Variants in RLF observed in about 807,000 individuals in gnomAD.
RLF encodes the protein zinc finger protein Rlf.
A neutral mutation model predicts 162.9 loss-of-function variants in RLF; 7 were observed. That is an observed-to-expected ratio of 0.04 (90% CI 0.02 to 0.08). The LOEUF (loss-of-function observed/expected upper bound fraction) is 0.08, where lower values mean the gene tolerates loss of function less well. Ranked by LOEUF, RLF falls within the 10% of genes least tolerant of loss-of-function variation. The pLI is 1.00. For synonymous variants in RLF, 782 were observed against 791.5 expected (o/e 0.99, Z 0.20); for missense variants, 1,664 against 2,244.7 (o/e 0.74, Z 5.23).
Position 40,237,662 on chromosome 1 carries a change from A to G in RLF, c.2960A>G (p.Lys987Arg), listed in dbSNP as rs201605592. 12 of 1,614,196 alleles carry G rather than the reference A, an allele frequency of 7.4e-6. No individual in the cohort carries two copies. The Middle Eastern group carries it at 4.9e-4, about 67-fold the overall frequency. Reference sequence around the variant, plus strand: ...CATCCATACCATTTCAAGCCCAAAAAGATAAAGACGAAAGATCTGTTTCCC... The same window carrying G: ...CATCCATACCATTTCAAGCCCAAAAGGATAAAGACGAAAGATCTGTTTCCC... Reference protein sequence around the residue: ...KVHPYHFKPKKIKTKDLFPSL... With the variant: ...KVHPYHFKPKRIKTKDLFPSL... Residue 987 changes from lysine to arginine, a missense_variant, in exon 8 of 8, where the codon AAG becomes AGG. By Grantham distance (26) the Lys-to-Arg change is conservative (BLOSUM62 2). Around this residue, in one of 15 missense-constraint regions of RLF, gnomAD observed 295 missense variants for 317.4 expected, o/e 0.93. Coordinates refer to ENST00000372771, the MANE Select transcript of RLF (RefSeq NM_012421.4). The surrounding 1 kb of genome is among the most constrained non-coding windows in gnomAD (Gnocchi z 4.4).
At chr1:40,225,665 A>T (rs1349031278) in intron 6 of RLF, among the ~76,000 whole-genome samples, 3 of 151,534 alleles carry the variant, frequency 2.0e-5, no homozygotes, top group African/African-American at 7.3e-5. Context: ...TCACAAGGTC[A>T]GGAGATCAAG....
chr1:40,235,706 T>G (rs2235985), intron 7 of RLF, 86 bp from the exon 8 acceptor site: 190,141 of 993,558 alleles, frequency 0.19, 19,163 homozygotes, highest in Non-Finnish European at 0.21. Context: ...CTAAAAGTTT[T>G]TACAAGCTAA....
intron 5 of RLF, among the ~76,000 whole-genome samples, chr1:40,206,578 T>C (rs1265128439): frequency 6.6e-6 from 1 of 152,208 alleles, no homozygotes. Context: ...CTAAAACTTG[T>C]CGTGCCATGC....
At chr1:40,193,865 A>C (rs760506607) in intron 3 of RLF, among the ~76,000 whole-genome samples, 26 of 152,162 alleles carry the variant, frequency 1.7e-4, no homozygotes, top group Non-Finnish European at 3.5e-4. Flanking sequence ...TGAATACTAA[A>C]CTATATTCTT....
chr1:40,186,144 T>G (rs1642477311), intron 1 of RLF, among the ~76,000 whole-genome samples: 1 of 149,116 alleles, frequency 6.7e-6, no homozygotes, highest in African/African-American at 2.5e-5. Context: ...GGTGACAGAG[T>G]GAGACTTGAT....
intron 1 of RLF, among the ~76,000 whole-genome samples, chr1:40,187,247 G>A (rs868215498): frequency 2.6e-5 from 4 of 152,038 alleles, no homozygotes; most frequent in South Asian, 2.1e-4. Flanking sequence ...GGCCAGGATG[G>A]TCTCGATCTC....
intron 1 of RLF, among the ~76,000 whole-genome samples, chr1:40,188,428 C>A (rs1248461877): frequency 2.0e-5 from 3 of 152,088 alleles, no homozygotes; most frequent in Non-Finnish European, 4.4e-5. Context: ...ACTATTCCCC[C>A]CATTGTAACC....
rs558276885 is a variant in RLF at position 40,172,154 on chromosome 1, T to A, written c.237+10518T>A. Among the ~76,000 whole-genome samples the A allele has an allele frequency of 1.7e-3, 252 of 151,894 alleles. 1 individual carries two copies. The highest frequency in any genetic ancestry group is 3.4e-3 in the Middle Eastern group (1 of 294). ...TTCAACACTCTTAACTAAAAAAAAA[T>A]TTTTTTTAAACTATAAAAGCACTTC... On this transcript the variant is annotated intron_variant, in intron 1 of 7. Coordinates refer to ENST00000372771, the MANE Select transcript of RLF (RefSeq NM_012421.4).
At chr1:40,213,814 A>G (rs1171510769) in intron 5 of RLF, among the ~76,000 whole-genome samples, 9 of 152,236 alleles carry the variant, frequency 5.9e-5, no homozygotes, top group African/African-American at 1.9e-4. Context: ...GAAAACCACT[A>G]TTCTAGAGAA....
intron 5 of RLF, among the ~76,000 whole-genome samples, chr1:40,205,342 T>C (rs1359995033): frequency 6.6e-6 from 1 of 152,050 alleles, no homozygotes; most frequent in Non-Finnish European, 1.5e-5. Flanking sequence ...AGACTCTGTC[T>C]TCAAAAAAAT....
intron 5 of RLF, among the ~76,000 whole-genome samples, chr1:40,217,428 A>G (rs1168011584): frequency 6.6e-6 from 1 of 151,942 alleles, no homozygotes; most frequent in Non-Finnish European, 1.5e-5. Flanking sequence ...CTGCCATCGT[A>G]CCACTACACT....
At chr1:40,226,858 G>A (rs1324159478) in intron 6 of RLF, among the ~76,000 whole-genome samples, 1 of 151,948 alleles carries the variant, frequency 6.6e-6, no homozygotes, top group Non-Finnish European at 1.5e-5. Context: ...ATATATGTGT[G>A]TATGTATTTA....
At chr1:40,193,491 A>C (rs941197654) in intron 3 of RLF, among the ~76,000 whole-genome samples, 1 of 152,182 alleles carries the variant, frequency 6.6e-6, no homozygotes, top group African/African-American at 2.4e-5. Context: ...GTGTAATGGT[A>C]CAGGTCAGTT....
At chr1:40,194,966 T>TGGAACTATAGGTG (rs1642611799) in intron 3 of RLF, among the ~76,000 whole-genome samples, 1 of 150,910 alleles carries the variant, frequency 6.6e-6, no homozygotes. Flanking sequence ...CCCGAGTAGC[T>TGGAACTATAGGTG]GGAACTATAG....
intron 1 of RLF, among the ~76,000 whole-genome samples, chr1:40,187,569 G>T (rs1642498972): frequency 6.6e-6 from 1 of 152,118 alleles, no homozygotes; most frequent in Non-Finnish European, 1.5e-5. Context: ...TAATTGAGTA[G>T]GTCGGTATAC....
chr1:40,189,217 TGAGAACTTAAATC>T lies in RLF; in HGVS notation c.392+9_392+21del, dbSNP rs1438367751. 6.2e-6 allele frequency: 10 copies of T among 1,606,934 alleles called. No homozygotes were observed. Among genetic ancestry groups the T allele is most frequent in the Non-Finnish European group, 8.5e-6 (10 of 1,176,030 alleles). ...GCTTGGCAGATTAGTACTGTAAGTTTGAGAACTTAAATCACTCTTAAAATTGAGTACCATTGGT... is the reference window on the plus strand; with the variant it reads ...GCTTGGCAGATTAGTACTGTAAGTTTACTCTTAAAATTGAGTACCATTGGT... On this transcript the variant is annotated intron_variant, in intron 2 of 7. Coordinates refer to ENST00000372771, the MANE Select transcript of RLF (RefSeq NM_012421.4).
chr1:40,161,584 A>G lies in RLF; in HGVS notation c.185A>G (p.Glu62Gly). 6.2e-7 allele frequency: 1 copy of G among 1,612,912 alleles called. No individual in the cohort carries two copies. Among genetic ancestry groups the G allele is most frequent in the Non-Finnish European group, 8.5e-7 (1 of 1,179,528 alleles). Residue 62 changes from glutamate to glycine, a missense_variant, in exon 1 of 8, where the codon GAG becomes GGG. Coordinates refer to ENST00000372771, the MANE Select transcript of RLF (RefSeq NM_012421.4). The surrounding 1 kb of genome is among the most constrained non-coding windows in gnomAD (Gnocchi z 4.4). ...CLWQLETELR[E>G]QEVSEVSSLN... ...TGGCAGCTGGAGACAGAGCTGAGGG[A>G]GCAAGAGGTGTCGGAGGTCTCATCT...
At chr1:40,196,267 C>T (rs1182556774) in intron 4 of RLF, among the ~76,000 whole-genome samples, 16 of 151,696 alleles carry the variant, frequency 1.1e-4, no homozygotes, top group Non-Finnish European at 5.9e-5. Context: ...AGAGACGAGG[C>T]GTTACCATGT....
chr1:40,171,429 T>C (rs953836963), intron 1 of RLF, among the ~76,000 whole-genome samples: 1 of 152,228 alleles, frequency 6.6e-6, no homozygotes, highest in African/African-American at 2.4e-5. Context: ...AGAATTGTTA[T>C]TGTATATGAT....
Sources: allele counts gnomAD v4.1 joint callset (sites outside exome capture counted in the v4.1 genomes callset), GRCh38; gene constraint gnomAD v4.1.1; regional missense constraint gnomAD v4.1.1; non-coding constraint Gnocchi (gnomAD v3.1); transcripts MANE v1.5; gene names NCBI Gene and HGNC (gene_info 2026-07-23, HGNC 2026-07-21).